Variants in TRIM44 observed in about 807,000 individuals in gnomAD.
The protein encoded by TRIM44 is tripartite motif containing 44.
Under a neutral mutation model 37.4 loss-of-function variants are expected in TRIM44, and 13 were observed. The observed-to-expected ratio is 0.35, with a 90% CI of 0.23 to 0.55. The LOEUF is 0.55. TRIM44 is among the 20% of genes least tolerant of loss of function. The pLI, the probability that TRIM44 is intolerant of heterozygous loss-of-function variation, is 0.89. For missense variants in TRIM44, 426 were observed against 437.2 expected (o/e 0.97, Z 0.23); for synonymous variants, 175 against 157.2 (o/e 1.11, Z -0.85).
chr11:35,774,181 G>A (rs897398712), intron 4 of TRIM44, among the ~76,000 whole-genome samples: 1 of 152,132 alleles, frequency 6.6e-6, no homozygotes, highest in Non-Finnish European at 1.5e-5. Context: ...GTGTGAGATG[G>A]TATCTCATTG....
chr11:35,799,941 A>G (rs957681374), intron 4 of TRIM44, among the ~76,000 whole-genome samples: 2 of 152,226 alleles, frequency 1.3e-5, no homozygotes, highest in African/African-American at 2.4e-5. Context: ...TTTAAGACCC[A>G]TGATGAAATA....
chr11:35,699,204 G>A (rs1025394865), intron 2 of TRIM44, among the ~76,000 whole-genome samples: 1 of 151,932 alleles, frequency 6.6e-6, no homozygotes, highest in Non-Finnish European at 1.5e-5. Flanking sequence ...AGTATAGTTT[G>A]AAGTCAGGTA....
chr11:35,711,468 GTT>G lies in TRIM44; in HGVS notation c.748-14444_748-14443del, dbSNP rs11344545. On this transcript the variant is annotated intron_variant, in intron 2 of 4. Coordinates refer to ENST00000299413, the MANE Select transcript of TRIM44 (RefSeq NM_017583.6). The stretch of plus-strand genomic sequence containing the variant: ...AATCTCTTCATTTCTCAGATTTTTT[GTT>G]TTTTTTTTTTTCAGTTCCAAAATAG... 2.0e-3 allele frequency among the ~76,000 whole-genome samples: 277 copies of G among 138,324 alleles called. 2 individuals carry two copies. The highest frequency in any genetic ancestry group is 6.9e-3 in the African/African-American group (265 of 38,286). The allele number at this position is 138,324 out of a possible 152,430, so 90.7% of individuals were successfully genotyped here. A position where few individuals can be genotyped will look rare whatever the true frequency, so the allele number is the denominator to read the frequency against.
At chr11:35,792,111 A>ACACACACACACACACACTCTCT (rs796092540) in intron 4 of TRIM44, among the ~76,000 whole-genome samples, 2,964 of 113,758 alleles carry the variant, frequency 0.026, 70 homozygotes, top group Non-Finnish European at 0.038. Context: ...ACACACACAC[A>ACACACACACACACACACTCTCT]CTCTCTCTCA....
chr11:35,778,057 A>G (rs952181253), intron 4 of TRIM44, among the ~76,000 whole-genome samples: 4 of 152,322 alleles, frequency 2.6e-5, no homozygotes, highest in African/African-American at 9.6e-5. Context: ...GTGTTTTCCA[A>G]CTTGGTTCCA....
intron 4 of TRIM44, among the ~76,000 whole-genome samples, chr11:35,756,935 G>A (rs181511978): frequency 1.0e-3 from 157 of 152,248 alleles, no homozygotes; most frequent in East Asian, 1.9e-3. Flanking sequence ...TTTTGGCGTC[G>A]ATGTTCATCA....
At chr11:35,730,930 G>A (rs144085620) in intron 3 of TRIM44, among the ~76,000 whole-genome samples, 115 of 148,852 alleles carry the variant, frequency 7.7e-4, no homozygotes, top group African/African-American at 2.5e-3. Context: ...GCTCACTGCA[G>A]ATATTAGCCT....
chr11:35,766,363 G>C (rs1479392739), intron 4 of TRIM44, among the ~76,000 whole-genome samples: 1 of 152,142 alleles, frequency 6.6e-6, no homozygotes, highest in African/African-American at 2.4e-5. Flanking sequence ...GTTATATAGG[G>C]CTTCTCCTCC....
rs1281492493 is a variant in TRIM44, at chr11:35,706,024, TAAAG to T, written c.748-19897_748-19894del. ...ATTGATAGACTGCTAGCAAGACTAA[TAAAG>T]AAGAAAAGAGAGAAGAATCAAATAG... On this transcript the variant is annotated intron_variant, in intron 2 of 4. Coordinates refer to ENST00000299413, the MANE Select transcript of TRIM44 (RefSeq NM_017583.6). 5.4e-5 allele frequency among the ~76,000 whole-genome samples: 8 copies of T among 147,572 alleles called. No individual in the cohort carries two copies. In the South Asian group the frequency reaches 1.5e-3, roughly 28 times the overall value.
intron 2 of TRIM44, among the ~76,000 whole-genome samples, chr11:35,718,574 A>G (rs1852065013): frequency 6.6e-6 from 1 of 152,132 alleles, no homozygotes; most frequent in Non-Finnish European, 1.5e-5. Flanking sequence ...CTCTACTGAC[A>G]TATCATTATC....
intron 2 of TRIM44, among the ~76,000 whole-genome samples, chr11:35,722,744 C>G (rs1359402211): frequency 6.6e-6 from 1 of 152,122 alleles, no homozygotes; most frequent in South Asian, 2.1e-4. Flanking sequence ...TATCTTGTGC[C>G]GACCTCTTAT....
intron 1 of TRIM44, among the ~76,000 whole-genome samples, chr11:35,671,165 A>G (rs889551572): frequency 2.6e-5 from 4 of 152,256 alleles, no homozygotes; most frequent in Non-Finnish European, 5.9e-5. Flanking sequence ...TACTTCTGTC[A>G]GAGCTTACAT....
intron 2 of TRIM44, among the ~76,000 whole-genome samples, chr11:35,695,723 T>G (rs987687541): frequency 2.0e-5 from 3 of 152,080 alleles, no homozygotes; most frequent in African/African-American, 7.2e-5. Context: ...GAAAACACAA[T>G]TGACAAGGAA....
chr11:35,790,520 G>C (rs1224492410), intron 4 of TRIM44, among the ~76,000 whole-genome samples: 1 of 152,192 alleles, frequency 6.6e-6, no homozygotes, highest in Non-Finnish European at 1.5e-5. Context: ...GCAGTCTTCA[G>C]TTCCTCTCTT....
At chr11:35,711,172 A>C (rs562950294) in intron 2 of TRIM44, among the ~76,000 whole-genome samples, 1 of 152,258 alleles carries the variant, frequency 6.6e-6, no homozygotes, top group Non-Finnish European at 1.5e-5. Flanking sequence ...TGTATACTTT[A>C]AATGGGTAAA....
intron 2 of TRIM44, among the ~76,000 whole-genome samples, chr11:35,711,877 G>A (rs1851979337): frequency 6.6e-6 from 1 of 152,160 alleles, no homozygotes; most frequent in Non-Finnish European, 1.5e-5. Flanking sequence ...TCCCCACAAA[G>A]TTCCAGAAAC....
At chr11:35,723,980 AGT>A (rs1852138470) in intron 2 of TRIM44, among the ~76,000 whole-genome samples, 1 of 152,212 alleles carries the variant, frequency 6.6e-6, no homozygotes, top group Non-Finnish European at 1.5e-5. Context: ...CACAAATCAC[AGT>A]TCTCAATCTG....
intron 1 of TRIM44, among the ~76,000 whole-genome samples, chr11:35,671,152 CTG>C (rs1316844107): frequency 3.3e-5 from 5 of 152,128 alleles, no homozygotes; most frequent in African/African-American, 1.2e-4. Flanking sequence ...AAATGAAAGT[CTG>C]TACTTCTGTC....
intron 2 of TRIM44, among the ~76,000 whole-genome samples, chr11:35,720,909 CT>C (rs549626841): frequency 0.01 from 1,442 of 137,820 alleles, 8 homozygotes; most frequent in African/African-American, 0.021. Context: ...GTATATAATT[CT>C]TTTTTTTTTT....
Sources: allele counts gnomAD v4.1 joint callset (sites outside exome capture counted in the v4.1 genomes callset), GRCh38; gene constraint gnomAD v4.1.1; transcripts MANE v1.5; gene names NCBI Gene and HGNC (gene_info 2026-07-23, HGNC 2026-07-21).